Variants in SDK1 observed in about 807,000 individuals in gnomAD.
SDK1 encodes the protein sidekick cell adhesion molecule 1.
A neutral mutation model predicts 245.5 loss-of-function variants in SDK1; 157 were observed. The observed-to-expected ratio is 0.64, with a 90% CI of 0.56 to 0.73. The LOEUF (loss-of-function observed/expected upper bound fraction) is 0.73, where lower values mean the gene tolerates loss of function less well. Ranked by LOEUF, SDK1 falls within the 30% of genes least tolerant of loss-of-function variation. SDK1 has a pLI of 0.00. For synonymous variants in SDK1, 1,647 were observed against 1,278.5 expected (o/e 1.29, Z -6.15); for missense variants, 3,583 against 3,002.3 (o/e 1.19, Z -4.52).
intron 1 of SDK1, among the ~76,000 whole-genome samples, chr7:3,434,388 T>C (rs528772001): frequency 6.6e-6 from 1 of 152,238 alleles, no homozygotes; most frequent in Admixed American, 6.5e-5. Flanking sequence ...CCCTGTTGTT[T>C]TGAGGCTATG....
intron 35 of SDK1, among the ~76,000 whole-genome samples, chr7:4,199,334 C>A (rs138162367): frequency 6.6e-6 from 1 of 152,096 alleles, no homozygotes; most frequent in African/African-American, 2.4e-5. Flanking sequence ...GCCGCAGAGC[C>A]GGTTGGCTCA....
intron 4 of SDK1, among the ~76,000 whole-genome samples, chr7:3,734,357 T>A (rs983219113): frequency 4.6e-5 from 7 of 152,314 alleles, no homozygotes; most frequent in Admixed American, 2.0e-4. Flanking sequence ...AGGAAGAATG[T>A]TGAATTTGTC....
intron 11 of SDK1, among the ~76,000 whole-genome samples, chr7:3,970,695 GA>G (rs1367396549): frequency 1.3e-5 from 2 of 152,210 alleles, no homozygotes; most frequent in Non-Finnish European, 2.9e-5. Flanking sequence ...TGGCTTTACA[GA>G]ACATTTTCAC....
intron 5 of SDK1, among the ~76,000 whole-genome samples, chr7:3,845,776 C>T (rs141180676): frequency 2.0e-5 from 3 of 151,546 alleles, no homozygotes; most frequent in African/African-American, 7.3e-5. Context: ...GAACAGGTTG[C>T]TTGCTGTATG....
intron 5 of SDK1, among the ~76,000 whole-genome samples, chr7:3,949,287 C>G (rs946063275): frequency 2.6e-5 from 4 of 152,176 alleles, no homozygotes; most frequent in African/African-American, 4.8e-5. Context: ...TTACTTGGCT[C>G]TGTCTGCATC....
chr7:3,480,148 G>T (rs184882751), intron 1 of SDK1, among the ~76,000 whole-genome samples: 1 of 152,176 alleles, frequency 6.6e-6, no homozygotes, highest in Non-Finnish European at 1.5e-5. Flanking sequence ...GATTATCCAG[G>T]TGGGTCCAGT....
chr7:3,689,950 G>C (rs1296582271), intron 4 of SDK1, among the ~76,000 whole-genome samples: 1 of 152,168 alleles, frequency 6.6e-6, no homozygotes, highest in African/African-American at 2.4e-5. Flanking sequence ...AGAAATACTT[G>C]TTTTGATCAT....
At chr7:3,366,817 C>A (rs1276932560) in intron 1 of SDK1, among the ~76,000 whole-genome samples, 1 of 152,124 alleles carries the variant, frequency 6.6e-6, no homozygotes, top group African/African-American at 2.4e-5. Context: ...TCTCAGCTCA[C>A]TGCAACCTCT....
intron 13 of SDK1, among the ~76,000 whole-genome samples, chr7:3,975,387 C>T (rs924634166): frequency 5.9e-5 from 9 of 152,168 alleles, no homozygotes; most frequent in Admixed American, 5.9e-4. Context: ...CATGCTGGGC[C>T]TTTCGACAAA....
intron 1 of SDK1, among the ~76,000 whole-genome samples, chr7:3,591,036 T>G (rs1345995568): frequency 4.6e-5 from 7 of 152,146 alleles, no homozygotes; most frequent in Admixed American, 3.9e-4. Context: ...GATCCTAATG[T>G]GCAAAGTTAA....
intron 1 of SDK1, among the ~76,000 whole-genome samples, chr7:3,443,449 A>G (rs1780255584): frequency 6.6e-6 from 1 of 152,232 alleles, no homozygotes; most frequent in Non-Finnish European, 1.5e-5. Context: ...GATGTCAGCC[A>G]TGCTAATAAA....
rs112826700 is a variant in SDK1, at chr7:3,970,366, A to G, written c.1714+942A>G. Among the ~76,000 whole-genome samples, 989 of 152,336 alleles carry G rather than the reference A, an allele frequency of 6.5e-3. 13 individuals carry two copies. Among genetic ancestry groups the G allele is most frequent in the African/African-American group, 0.022 (920 of 41,564 alleles). On this transcript the variant is annotated intron_variant, in intron 11 of 44. Coordinates refer to ENST00000404826, the MANE Select transcript of SDK1 (RefSeq NM_152744.4). ...ATTTGTAAAATGATCATGCGTTTAA[A>G]GGAAATTAATCCAAGTTCCCACTAT... is the stretch of plus-strand genomic sequence containing the variant.
In SDK1 at chr7:4,132,404, G is replaced by A; in HGVS notation, c.4209G>A (p.Glu1403=). 6.2e-7 allele frequency: 1 copy of A among 1,611,614 alleles called. No homozygotes were observed. Among genetic ancestry groups the A allele is most frequent in the East Asian group, 2.2e-5 (1 of 44,820 alleles). ...SVRIVWQPPE[E]PNGIILGYQI... ...GGATAGTGTGGCAACCTCCGGAGGA[G>A]CCCAACGGCATCATCCTGGGTAAGG... is the stretch of plus-strand genomic sequence containing the variant. The change falls in exon 28 of 45, where the codon GAG becomes GAA. Residue 1403 remains glutamate (E), a synonymous_variant. Coordinates refer to ENST00000404826, the MANE Select transcript of SDK1 (RefSeq NM_152744.4).
chr7:4,007,589 C>A (rs1192424180), intron 14 of SDK1, among the ~76,000 whole-genome samples: 10 of 151,974 alleles, frequency 6.6e-5, no homozygotes, highest in Admixed American at 5.9e-4. Flanking sequence ...TATTATCACC[C>A]CATCTTTTCA....
In SDK1 at chr7:3,625,550, C is replaced by A. The variant is rs546191020; in HGVS notation, c.458+6311C>A. On this transcript the variant is annotated intron_variant, in intron 2 of 44. Transcript: ENST00000404826. ...GAAGGAAGCACCAGTGCAGGGATCC[C>A]TTATCAAGTTGGCAGTCACTCTAAG... is the stretch of plus-strand genomic sequence containing the variant. Among the ~76,000 whole-genome samples the A allele has an allele frequency of 8.5e-5, 13 of 152,286 alleles. No individual in the cohort carries two copies. The South Asian group carries it at 2.7e-3, about 32-fold the overall frequency.
chr7:3,889,936 C>T (rs548037982), intron 5 of SDK1, among the ~76,000 whole-genome samples: 14 of 152,322 alleles, frequency 9.2e-5, no homozygotes, highest in Admixed American at 3.3e-4. Context: ...GGAAACTCCC[C>T]GCTCCTCCTC....
intron 25 of SDK1, among the ~76,000 whole-genome samples, chr7:4,122,413 C>T (rs925464545): frequency 5.3e-5 from 8 of 152,152 alleles, no homozygotes; most frequent in Admixed American, 3.9e-4. Flanking sequence ...GAGAATAAAA[C>T]AACTGCCTTT....
At chr7:4,235,344 A>G (rs747936034) in intron 41 of SDK1, among the ~76,000 whole-genome samples, 40 of 152,046 alleles carry the variant, frequency 2.6e-4, no homozygotes, top group Non-Finnish European at 5.4e-4. Flanking sequence ...TTGTATTTTT[A>G]GTAGATACAG....
At chr7:3,832,971 T>C (rs1346519226) in intron 5 of SDK1, among the ~76,000 whole-genome samples, 1 of 152,078 alleles carries the variant, frequency 6.6e-6, no homozygotes, top group Non-Finnish European at 1.5e-5. Context: ...GTGTAGCTTT[T>C]TGAGACGGAT....
Sources: allele counts gnomAD v4.1 joint callset (sites outside exome capture counted in the v4.1 genomes callset), GRCh38; gene constraint gnomAD v4.1.1; transcripts MANE v1.5; gene names NCBI Gene and HGNC (gene_info 2026-07-23, HGNC 2026-07-21).